Variants in LRBA observed in about 807,000 individuals in gnomAD.
LRBA encodes LPS responsive beige-like anchor protein.
A neutral mutation model predicts 330.0 loss-of-function variants in LRBA; 176 were observed. The observed-to-expected ratio is 0.53, with a 90% CI of 0.47 to 0.60. The LOEUF (loss-of-function observed/expected upper bound fraction) is 0.60, where lower values mean the gene tolerates loss of function less well. LRBA is among the 20% of genes least tolerant of loss of function. The probability of loss-of-function intolerance (pLI) is 0.00; values close to 1 mark genes in which losing one functional copy is unlikely to be tolerated. For synonymous variants in LRBA, 1,230 were observed against 1,193.0 expected (o/e 1.03, Z -0.64); for missense variants, 3,259 against 3,444.8 (o/e 0.95, Z 1.35).
intron 48 of LRBA, among the ~76,000 whole-genome samples, chr4:150,326,458 G>A (rs1435667530): frequency 6.6e-6 from 1 of 152,182 alleles, no homozygotes; most frequent in Admixed American, 6.5e-5. Context: ...ATCTAAGCAT[G>A]AGATGGTTAA....
chr4:150,946,920 A>G (rs967689949), intron 2 of LRBA, among the ~76,000 whole-genome samples: 1 of 150,766 alleles, frequency 6.6e-6, no homozygotes, highest in Non-Finnish European at 1.5e-5. Context: ...GAGGCAGCAA[A>G]AAAAAAAAAA....
chr4:150,626,849 A>G (rs1046813729), intron 37 of LRBA, among the ~76,000 whole-genome samples: 3 of 152,292 alleles, frequency 2.0e-5, no homozygotes, highest in Non-Finnish European at 4.4e-5. Context: ...ATAACTTGTG[A>G]TTAATTACTT....
intron 8 of LRBA, 84 bp downstream of exon 8, chr4:150,915,524 T>C (rs529285871): frequency 3.2e-6 from 4 of 1,247,288 alleles, no homozygotes. Flanking sequence ...GAATTTTATA[T>C]TCAAGTTGTA....
At chr4:150,626,251 C>T (rs1401430768) in intron 37 of LRBA, among the ~76,000 whole-genome samples, 1 of 151,962 alleles carries the variant, frequency 6.6e-6, no homozygotes, top group Non-Finnish European at 1.5e-5. Context: ...TTGATTAGAC[C>T]CTTCAAAACT....
rs1734172958 is a variant in LRBA at position 150,928,985 on chromosome 4, C to T, written c.297G>A (p.Leu99=). Residue 99 remains leucine (L), a synonymous_variant, in exon 3 of 57, where the codon CTG becomes CTA. Transcript: ENST00000651943. The stretch of plus-strand genomic sequence containing the variant: ...CTTGGCACGTAATGTCACATTTTTC[C>T]AGTAGGTCCACCATGCAGTTAATAC... ...GESINCMVDL[L]EKCDITCQAE... 6.2e-7 allele frequency: 1 copy of T among 1,613,598 alleles called. No individual in the cohort carries two copies. The highest frequency in any genetic ancestry group is 8.5e-7 in the Non-Finnish European group (1 of 1,179,934).
chr4:150,616,595 T>C (rs1775792127), intron 37 of LRBA, among the ~76,000 whole-genome samples: 1 of 152,206 alleles, frequency 6.6e-6, no homozygotes, highest in South Asian at 2.1e-4. Context: ...CAATGACTAT[T>C]GGATTTAACA....
chr4:150,806,729 T>A (rs1226063640), intron 32 of LRBA, among the ~76,000 whole-genome samples: 1 of 151,934 alleles, frequency 6.6e-6, no homozygotes, highest in Non-Finnish European at 1.5e-5. Context: ...TCATCAAGTC[T>A]TCAACAAATT....
intron 35 of LRBA, among the ~76,000 whole-genome samples, chr4:150,744,170 C>A (rs1021642736): frequency 1.3e-5 from 2 of 152,122 alleles, no homozygotes; most frequent in African/African-American, 2.4e-5. Context: ...TCTGATTCTA[C>A]GATAGAAAAA....
chr4:150,682,520 C>A (rs1160889084), intron 37 of LRBA, among the ~76,000 whole-genome samples: 4 of 152,094 alleles, frequency 2.6e-5, no homozygotes, highest in Admixed American at 6.6e-5. Context: ...TGCAAATATT[C>A]TTTGTAATAA....
At chr4:150,615,456 G>T (rs1481308246) in intron 37 of LRBA, among the ~76,000 whole-genome samples, 1 of 152,134 alleles carries the variant, frequency 6.6e-6, no homozygotes, top group Non-Finnish European at 1.5e-5. Flanking sequence ...AATAGCAGCA[G>T]TGGAAGTAGT....
rs1322128848 is a variant in LRBA at position 150,277,791 on chromosome 4, CA to C, written c.8468+61del. 7 of 1,531,042 alleles carry C rather than the reference CA, an allele frequency of 4.6e-6. No individual in the cohort carries two copies. In the Admixed American group the frequency reaches 1.2e-4, roughly 26 times the overall value. 94.8% of individuals were successfully genotyped at this position (1,531,042 alleles called of 1,614,324 possible). ...TACTGGGATTACAGGTGTAAGCCAA[CA>C]CGACCAGTCCCCTCTGCAGTTTTTG... is the stretch of plus-strand genomic sequence containing the variant. On this transcript the variant is annotated intron_variant, in intron 56 of 56. Coordinates refer to ENST00000651943, the MANE Select transcript of LRBA (RefSeq NM_001364905.1).
chr4:150,837,661 T>C (rs1209649518), intron 28 of LRBA, among the ~76,000 whole-genome samples: 8 of 152,136 alleles, frequency 5.3e-5, no homozygotes, highest in Non-Finnish European at 8.8e-5. Flanking sequence ...TTCCTCCATC[T>C]CTTTATTTTC....
chr4:150,947,542 G>A (rs1372095554), intron 2 of LRBA, among the ~76,000 whole-genome samples: 2 of 151,958 alleles, frequency 1.3e-5, no homozygotes, highest in Admixed American at 6.6e-5. Context: ...AACTTGATAA[G>A]CAACATTTAC....
chr4:150,443,713 G>T (rs1752151794), intron 44 of LRBA, among the ~76,000 whole-genome samples: 1 of 151,810 alleles, frequency 6.6e-6, no homozygotes, highest in African/African-American at 2.4e-5. Context: ...GGGAGCAGGG[G>T]GGAGGGATAG....
chr4:150,870,788 T>G (rs762793926), intron 19 of LRBA, among the ~76,000 whole-genome samples, 182 bp from the exon 20 acceptor site: 1 of 152,198 alleles, frequency 6.6e-6, no homozygotes, highest in Non-Finnish European at 1.5e-5. Context: ...GCATTATTAC[T>G]CTATGTTTTC....
Position 150,830,867 on chromosome 4 carries a change from G to A in LRBA, c.4729+950C>T, listed in dbSNP as rs1229463711. On this transcript the variant is annotated intron_variant, in intron 29 of 56. Transcript: ENST00000651943. ...CAACCTCTGCCTCCCAAGTTCAAGC[G>A]ATTCTCCTGCCTCAGCTTCCTAAGT... Among the ~76,000 whole-genome samples, 6 of 148,904 alleles carry A rather than the reference G, an allele frequency of 4.0e-5. No individual in the cohort carries two copies. In the East Asian group the frequency reaches 8.0e-4, roughly 20 times the overall value.
At position 150,870,591 on chromosome 4, in the gene LRBA, T is replaced by C; in HGVS notation, c.2383A>G (p.Ile795Val). The change falls in exon 20 of 57, where the codon ATT (isoleucine) becomes GTT (valine). Residue 795 changes from isoleucine (I) to valine (V), a missense_variant. By Grantham distance (29) the Ile-to-Val change is conservative. Transcript: ENST00000651943. ...NVLFEILIEQ[I>V]GTQVIHKQHP... ...TGTTTATGTATCACCTGAGTACCAA[T>C]CTGTTCTATAAGAATCTACAGAAGT... is the stretch of plus-strand genomic sequence containing the variant. 1.3e-6 allele frequency: 2 copies of C among 1,558,992 alleles called. No individual in the cohort carries two copies. The highest frequency in any genetic ancestry group is 2.2e-5 in the East Asian group (1 of 44,494).
chr4:150,839,398 A>G (rs535988408), intron 28 of LRBA, among the ~76,000 whole-genome samples: 2 of 152,362 alleles, frequency 1.3e-5, no homozygotes, highest in East Asian at 3.9e-4. Context: ...TATATACTCA[A>G]AGGATTATAA....
At chr4:151,001,012 G>A (rs1214515326) in intron 2 of LRBA, among the ~76,000 whole-genome samples, 1 of 152,188 alleles carries the variant, frequency 6.6e-6, no homozygotes, top group Admixed American at 6.5e-5. Flanking sequence ...GACCTCATGG[G>A]CTCTGAAACT....
Sources: gnomAD v4.1 joint callset for allele counts (sites outside exome capture counted in the v4.1 genomes callset) on GRCh38, gnomAD v4.1.1 for gene constraint, MANE v1.5 for transcripts, NCBI Gene and HGNC (gene_info 2026-07-23, HGNC 2026-07-21) for gene names.